UBR1: variants seen among roughly 807,000 people sequenced by gnomAD.
The protein encoded by UBR1 is ubiquitin protein ligase E3 component n-recognin 1.
In UBR1, 102 loss-of-function variants were observed where a neutral mutation model predicts 242.1. The observed-to-expected ratio is 0.42, with a 90% CI of 0.36 to 0.50. The LOEUF is 0.50. Ranked by LOEUF, UBR1 falls within the 20% of genes least tolerant of loss-of-function variation. The probability of loss-of-function intolerance (pLI) is 0.01; values close to 1 mark genes in which losing one functional copy is unlikely to be tolerated. For missense variants in UBR1, 1,772 were observed against 2,101.8 expected, an observed-to-expected ratio of 0.84 and a Z score of 3.07; for synonymous variants, 675 against 684.8, an observed-to-expected ratio of 0.99 and a Z score of 0.22.
At chr15:43,001,162 T>C (rs2032718753) in intron 32 of UBR1, among the ~76,000 whole-genome samples, 1 of 151,862 alleles carries the variant, frequency 6.6e-6, no homozygotes. Context: ...TTTTTTTTTT[T>C]TTGAGACGGA....
Position 43,029,933 on chromosome 15 carries a change from A to C in UBR1, c.2379+11T>G, listed in dbSNP as rs769258162. 7.2e-5 allele frequency: 117 copies of C among 1,613,900 alleles called. No homozygotes were observed. The highest frequency in any genetic ancestry group is 9.1e-5 in the Non-Finnish European group (107 of 1,179,962). On this transcript the variant is annotated intron_variant, in intron 21 of 46. Coordinates refer to ENST00000290650, the MANE Select transcript of UBR1 (RefSeq NM_174916.3). ...TGAGGTACATAGAGATAAAACCAAA[A>C]TCAGACTTACATTCTCAGGTAAATT... is the stretch of plus-strand genomic sequence containing the variant.
At chr15:42,993,075 T>C (rs2141278651) in intron 33 of UBR1, among the ~76,000 whole-genome samples, 1 of 152,322 alleles carries the variant, frequency 6.6e-6, no homozygotes, top group South Asian at 2.1e-4. Flanking sequence ...ATATTCTGGC[T>C]ATGAGGGGCT....
At chr15:43,059,974 C>A in intron 7 of UBR1, 78 bp downstream of exon 7, 1 of 1,572,578 alleles carries the variant, frequency 6.4e-7, no homozygotes, top group Non-Finnish European at 8.8e-7. Flanking sequence ...GACATCATCA[C>A]TCAAATTATT....
chr15:43,018,512 C>G (rs920017956), intron 27 of UBR1, among the ~76,000 whole-genome samples: 1 of 152,184 alleles, frequency 6.6e-6, no homozygotes, highest in African/African-American at 2.4e-5. Context: ...CTCAGCCTCT[C>G]AAGTAGCTGG....
intron 6 of UBR1, among the ~76,000 whole-genome samples, chr15:43,065,584 A>G (rs979875714): frequency 2.0e-5 from 3 of 151,938 alleles, no homozygotes; most frequent in Non-Finnish European, 1.5e-5. Context: ...ATTCAGCTCC[A>G]CTTATAAATG....
intron 29 of UBR1, among the ~76,000 whole-genome samples, chr15:43,010,096 A>G (rs1284852428): frequency 1.3e-5 from 2 of 151,480 alleles, no homozygotes; most frequent in Non-Finnish European, 2.9e-5. Flanking sequence ...CTGGTCTCAA[A>G]CTCCTGACCT....
chr15:43,026,509 AG>A lies in UBR1; in HGVS notation c.2535+51del, dbSNP rs1596107746. The A allele has an allele frequency of 2.0e-6, 3 of 1,518,944 alleles. No individual in the cohort carries two copies. In the East Asian group the frequency reaches 6.8e-5, roughly 34 times the overall value. 94.1% of individuals were successfully genotyped at this position (1,518,944 alleles called of 1,614,324 possible). ...AAAGCAGAAAATTTTCTGTGGAGTTAGAAAGCATAAAGCATTTAGGTTTATT... is the reference window on the plus strand; with the variant it reads ...AAAGCAGAAAATTTTCTGTGGAGTTAAAAGCATAAAGCATTTAGGTTTATT... On this transcript the variant is annotated intron_variant, in intron 23 of 46. Coordinates refer to ENST00000290650, the MANE Select transcript of UBR1 (RefSeq NM_174916.3).
chr15:42,996,357 G>A (rs191198209), intron 33 of UBR1, among the ~76,000 whole-genome samples: 301 of 152,306 alleles, frequency 2.0e-3, no homozygotes, highest in African/African-American at 7.1e-3. Flanking sequence ...GGTACTCTGG[G>A]AGGCTGAGGT....
chr15:43,086,125 A>C lies in UBR1; in HGVS notation c.197T>G (p.Val66Gly), dbSNP rs1414479860. 6.2e-7 allele frequency: 1 copy of C among 1,613,948 alleles called. No homozygotes were observed. Among genetic ancestry groups the C allele is most frequent in the East Asian group, 2.2e-5 (1 of 44,872 alleles). Residue 66 changes from valine to glycine, a missense_variant, in exon 2 of 47, where the codon GTA becomes GGA. Physicochemically the swap from Val to Gly is moderately radical, Grantham distance 109 (BLOSUM62 -3). This residue lies in a region of UBR1 where 734 missense variants were observed against 893.3 expected (regional missense o/e 0.82). Coordinates refer to ENST00000290650, the MANE Select transcript of UBR1 (RefSeq NM_174916.3). ...CAGTGGAGTGAATATTGACATTTGT[A>C]CACTTTCCTCCTGCTTTTCCAAGTC... is the stretch of plus-strand genomic sequence containing the variant. The part of the protein sequence containing the change: ...DPDLEKQEES[V>G]QMSIFTPLEW...
At chr15:42,982,272 T>A (rs185116993) in intron 37 of UBR1, among the ~76,000 whole-genome samples, 1 of 152,134 alleles carries the variant, frequency 6.6e-6, no homozygotes, top group African/African-American at 2.4e-5. Context: ...ATGACTGAAA[T>A]GAAAAAGATA....
chr15:42,943,088 C>T lies in UBR1; in HGVS notation c.*2241G>A, dbSNP rs1443230695. On this transcript the variant is annotated 3_prime_UTR_variant, in exon 47 of 47. Transcript: ENST00000290650. ...AAATATAGATCATCATCACAGTGAACCAAAATGCATAGTTGTTATGAAATG... is the reference window on the plus strand; with the variant it reads ...AAATATAGATCATCATCACAGTGAATCAAAATGCATAGTTGTTATGAAATG... 3 of 152,472 alleles carry T rather than the reference C, an allele frequency of 2.0e-5. No individual in the cohort carries two copies. The East Asian group carries it at 5.8e-4, about 29-fold the overall frequency. The allele number at this position is 152,472 out of a possible 1,614,324, so 9.4% of individuals were successfully genotyped here.
rs1477632523 is a variant in UBR1, at chr15:42,983,888, A to C, written c.4150+9T>G. Reference sequence around the variant, plus strand: ...ATAATACATAATAATAGTTCAGAGAAGACTCTACCTGATAGAAGACGAACC... The same window carrying C: ...ATAATACATAATAATAGTTCAGAGACGACTCTACCTGATAGAAGACGAACC... On this transcript the variant is annotated intron_variant, in intron 37 of 46. Coordinates refer to ENST00000290650, the MANE Select transcript of UBR1 (RefSeq NM_174916.3). 15 of 1,581,948 alleles carry C rather than the reference A, an allele frequency of 9.5e-6. No individual in the cohort carries two copies. Among genetic ancestry groups the C allele is most frequent in the Non-Finnish European group, 1.2e-5 (14 of 1,152,502 alleles).
In UBR1 at chr15:43,031,917, C is replaced by T. The variant is rs1393356158; in HGVS notation, c.2254+651G>A. On this transcript the variant is annotated intron_variant, in intron 20 of 46. Coordinates refer to ENST00000290650, the MANE Select transcript of UBR1 (RefSeq NM_174916.3). ...GGCGTGGTGGCGCACACCTGTGGTC[C>T]CAGCTACTCAGGAGGCTGAGGCAGA... 2.0e-5 allele frequency among the ~76,000 whole-genome samples: 3 copies of T among 152,056 alleles called. No homozygotes were observed. The East Asian group carries it at 5.8e-4, about 29-fold the overall frequency.
intron 37 of UBR1, among the ~76,000 whole-genome samples, chr15:42,982,773 T>C (rs2032396782): frequency 6.6e-6 from 1 of 152,172 alleles, no homozygotes; most frequent in South Asian, 2.1e-4. Context: ...ACAAGAAAAT[T>C]ATGCCTGGAT....
chr15:43,028,468 C>G lies in UBR1; in HGVS notation c.2380-640G>C, dbSNP rs150652984. 2.9e-3 allele frequency among the ~76,000 whole-genome samples: 434 copies of G among 152,084 alleles called. 8 individuals are homozygous for G. In the East Asian group the frequency reaches 0.042, roughly 15 times the overall value. On this transcript the variant is annotated intron_variant, in intron 21 of 46. Transcript: ENST00000290650. ...TCCCTTAAAAATACATATATTTGGCCGGGCACAGTGGCTCACACCTGTAAT... is the reference window on the plus strand; with the variant it reads ...TCCCTTAAAAATACATATATTTGGCGGGGCACAGTGGCTCACACCTGTAAT...
chr15:43,089,706 G>A (rs990191581), intron 1 of UBR1, among the ~76,000 whole-genome samples: 3 of 152,078 alleles, frequency 2.0e-5, no homozygotes, highest in East Asian at 1.9e-4. Context: ...TGGATCTGAC[G>A]GGGACTACAG....
intron 16 of UBR1, 48 bp from the exon 17 acceptor site, chr15:43,037,931 G>A (rs2033358764): frequency 6.6e-7 from 1 of 1,523,770 alleles, no homozygotes; most frequent in Non-Finnish European, 9.0e-7. Flanking sequence ...GAGCTTAGAT[G>A]TGTCTCCAAG....
At chr15:43,087,739 G>A (rs532131099) in intron 1 of UBR1, among the ~76,000 whole-genome samples, 2 of 152,196 alleles carry the variant, frequency 1.3e-5, no homozygotes, top group South Asian at 4.1e-4. Context: ...CATGTAAAAA[G>A]AAAGTATTTT....
chr15:43,034,302 C>T (rs556920365), intron 19 of UBR1, among the ~76,000 whole-genome samples: 9 of 150,254 alleles, frequency 6.0e-5, no homozygotes, highest in Admixed American at 2.7e-4. Context: ...ATGAGCTGGG[C>T]GTGGTGGCTT....
Sources: gnomAD v4.1 joint callset for allele counts (sites outside exome capture counted in the v4.1 genomes callset) on GRCh38, gnomAD v4.1.1 for gene constraint, gnomAD v4.1.1 regional missense constraint, MANE v1.5 for transcripts, NCBI Gene and HGNC (gene_info 2026-07-23, HGNC 2026-07-21) for gene names.